The following MOB4 variants were observed in gnomAD, a reference collection of about 807,000 sequenced individuals.
MOB4 encodes MOB family member 4, phocein, also known as MOB-like protein phocein.
A neutral mutation model predicts 32.2 loss-of-function variants in MOB4; 4 were observed. That is an observed-to-expected ratio of 0.12 (90% CI 0.06 to 0.28). The LOEUF is 0.28. Among genes scored for constraint, MOB4 ranks in the 10% least tolerant of loss-of-function variants. MOB4 has a pLI of 1.00. For synonymous variants in MOB4, 88 were observed against 88.1 expected (o/e 1.00, Z 0.01); for missense variants, 158 against 271.2 (o/e 0.58, Z 2.93).
At chr2:197,526,491 A>G (rs1301529178) in intron 2 of MOB4, among the ~76,000 whole-genome samples, 2 of 151,894 alleles carry the variant, frequency 1.3e-5, no homozygotes, top group African/African-American at 2.4e-5. Flanking sequence ...TAATTTTTGT[A>G]GTTTTAGTTA....
At chr2:197,534,579 G>T (rs1044901260) in intron 2 of MOB4, among the ~76,000 whole-genome samples, 1 of 152,082 alleles carries the variant, frequency 6.6e-6, no homozygotes, top group Admixed American at 6.6e-5. Flanking sequence ...GTCTCACTGT[G>T]TTGCCCAGGC....
At chr2:197,526,317 T>C (rs558526447) in intron 2 of MOB4, among the ~76,000 whole-genome samples, 105 of 152,202 alleles carry the variant, frequency 6.9e-4, no homozygotes, top group Admixed American at 4.4e-3. Context: ...TTTCTTACTT[T>C]TTTTATTTTT....
At chr2:197,549,228 A>G (rs1034963003) in intron 6 of MOB4, among the ~76,000 whole-genome samples, 1 of 151,158 alleles carries the variant, frequency 6.6e-6, no homozygotes, top group Non-Finnish European at 1.5e-5. Context: ...AACTGTCTCA[A>G]AAAAAAAAGA....
intron 3 of MOB4, among the ~76,000 whole-genome samples, chr2:197,538,384 G>A (rs1179035100): frequency 6.7e-6 from 1 of 150,318 alleles, no homozygotes; most frequent in East Asian, 1.9e-4. Flanking sequence ...AGTTGACCAG[G>A]AAGAGGTTTT....
In MOB4 at chr2:197,516,159, C is replaced by A; in HGVS notation, c.60+13C>A. 1 of 1,596,140 alleles carries A rather than the reference C, an allele frequency of 6.3e-7. No individual in the cohort carries two copies. The highest frequency in any genetic ancestry group is 8.5e-7 in the Non-Finnish European group (1 of 1,172,936). ...CACCAAGGCGCAGGTACCATGTCTGCACTTTTCTTGTCGGGCAACTAGGTG... is the reference window on the plus strand; with the variant it reads ...CACCAAGGCGCAGGTACCATGTCTGAACTTTTCTTGTCGGGCAACTAGGTG... On this transcript the variant is annotated intron_variant, in intron 1 of 7. Transcript: ENST00000323303.
intron 2 of MOB4, among the ~76,000 whole-genome samples, chr2:197,530,936 TGTAGATTTCTTTGG>T (rs2086690933): frequency 6.6e-6 from 1 of 152,136 alleles, no homozygotes; most frequent in South Asian, 2.1e-4. Flanking sequence ...TGTATCTGGA[TGTAGATTTCTTTGG>T]GTTTATCTTG....
chr2:197,519,815 G>T (rs1362900129), intron 1 of MOB4, among the ~76,000 whole-genome samples: 4 of 152,032 alleles, frequency 2.6e-5, no homozygotes, highest in African/African-American at 9.7e-5. Flanking sequence ...TTTTAAAAAG[G>T]AAAGAATAGA....
chr2:197,550,466 T>C, intron 7 of MOB4, 49 bp from the exon 8 acceptor site: 1 of 1,580,306 alleles, frequency 6.3e-7, no homozygotes, highest in Non-Finnish European at 8.6e-7. Context: ...TCTAGTCTTT[T>C]AGTTTGGGAT....
At chr2:197,531,917 A>T (rs1027960083) in intron 2 of MOB4, among the ~76,000 whole-genome samples, 1 of 151,874 alleles carries the variant, frequency 6.6e-6, no homozygotes, top group Non-Finnish European at 1.5e-5. Context: ...TAGAAAACAA[A>T]ATGACTTTTT....
At chr2:197,524,052 C>T (rs1047106041) in intron 2 of MOB4, among the ~76,000 whole-genome samples, 11 of 152,236 alleles carry the variant, frequency 7.2e-5, no homozygotes, top group South Asian at 4.1e-4. Context: ...CCAGCCTGAG[C>T]GACATAACAA....
At chr2:197,536,744 G>T (rs556937325) in intron 3 of MOB4, among the ~76,000 whole-genome samples, 4 of 151,642 alleles carry the variant, frequency 2.6e-5, no homozygotes, top group Admixed American at 1.3e-4. Flanking sequence ...TGGGACTACA[G>T]GCGCAGCCAT....
rs2087052290 is a variant in MOB4 at position 197,549,230 on chromosome 2, A to C, written c.434+815A>C. ...GCAACAAGAGCGAAACTGTCTCAAA[A>C]AAAAAAGAGCAGACTTTCTTATTTG... On this transcript the variant is annotated intron_variant, in intron 6 of 7. Transcript: ENST00000323303. 2.6e-5 allele frequency among the ~76,000 whole-genome samples: 4 copies of C among 152,170 alleles called. No individual in the cohort carries two copies. The South Asian group carries it at 8.3e-4, about 32-fold the overall frequency.
At chr2:197,537,852 T>C (rs961586119) in intron 3 of MOB4, among the ~76,000 whole-genome samples, 2 of 151,946 alleles carry the variant, frequency 1.3e-5, no homozygotes, top group Admixed American at 6.6e-5. Flanking sequence ...TGATCTCGGC[T>C]CATTGCAACC....
Position 197,552,628 on chromosome 2 carries a change from G to A in MOB4, c.*1982G>A, listed in dbSNP as rs541945132. ...ATCTCCAAAAGAAAATAATCAGTTT[G>A]TAGTCTTGCTTTTGTATTCATGTTG... On this transcript the variant is annotated 3_prime_UTR_variant, in exon 8 of 8. Coordinates refer to ENST00000323303, the MANE Select transcript of MOB4 (RefSeq NM_015387.5). 51 of 152,358 alleles carry A rather than the reference G, an allele frequency of 3.3e-4. No individual in the cohort carries two copies. Among genetic ancestry groups the A allele is most frequent in the African/African-American group, 1.2e-3 (49 of 41,556 alleles). 9.4% of individuals were successfully genotyped at this position (152,358 alleles called of 1,614,324 possible).
chr2:197,531,835 G>C (rs542663437), intron 2 of MOB4, among the ~76,000 whole-genome samples: 1 of 152,124 alleles, frequency 6.6e-6, no homozygotes, highest in Non-Finnish European at 1.5e-5. Context: ...GAGCCACCTC[G>C]TCCAGCCTTC....
intron 5 of MOB4, among the ~76,000 whole-genome samples, chr2:197,545,974 C>A (rs577739864): frequency 3.9e-5 from 6 of 152,300 alleles, no homozygotes; most frequent in African/African-American, 1.4e-4. Flanking sequence ...CAATTACCTG[C>A]TGAAATGGTA....
intron 1 of MOB4, among the ~76,000 whole-genome samples, chr2:197,520,247 C>T (rs2086491240): frequency 6.6e-6 from 1 of 150,512 alleles, no homozygotes; most frequent in African/African-American, 2.4e-5. Context: ...CAGTGCTGCA[C>T]TCTCGGCTCA....
chr2:197,540,356 A>C lies in MOB4; in HGVS notation c.273A>C (p.Glu91Asp). ...LNGLAVKLQS[E>D]CHPDTCTQMT... ...AATATAATTATTTTTAACAGAGTGA[A>C]TGCCATCCAGATACTTGCACTCAAA... The change falls in exon 5 of 8, where the codon GAA becomes GAC. Residue 91 changes from glutamate (E) to aspartate (D), a missense_variant. Physicochemically the swap from Glu to Asp is conservative, Grantham distance 45. Transcript: ENST00000323303. 2 of 1,575,188 alleles carry C rather than the reference A, an allele frequency of 1.3e-6. No homozygotes were observed. The highest frequency in any genetic ancestry group is 8.6e-7 in the Non-Finnish European group (1 of 1,166,430).
intron 3 of MOB4, among the ~76,000 whole-genome samples, chr2:197,537,041 C>T (rs2086811796): frequency 6.6e-6 from 1 of 152,074 alleles, no homozygotes; most frequent in Non-Finnish European, 1.5e-5. Flanking sequence ...TGCACTTGGC[C>T]ACTTTATGTT....
Sources: allele counts gnomAD v4.1 joint callset (sites outside exome capture counted in the v4.1 genomes callset), GRCh38; gene constraint gnomAD v4.1.1; transcripts MANE v1.5; gene names NCBI Gene and HGNC (gene_info 2026-07-23, HGNC 2026-07-21).